The following NAV3 variants were observed in gnomAD, a reference collection of about 807,000 sequenced individuals.
The protein encoded by NAV3 is pore membrane and/or filament interacting like protein 1.
In NAV3, 87 loss-of-function variants were observed where a neutral mutation model predicts 244.7. The observed-to-expected ratio is 0.36, with a 90% CI of 0.30 to 0.42. NAV3 has a LOEUF of 0.42. NAV3 is among the 20% of genes least tolerant of loss of function. The probability of loss-of-function intolerance (pLI) is 1.00; values close to 1 mark genes in which losing one functional copy is unlikely to be tolerated. For synonymous variants in NAV3, 1,126 were observed against 1,042.2 expected (o/e 1.08, Z -1.55); for missense variants, 2,663 against 2,893.3 (o/e 0.92, Z 1.83).
chr12:77,609,067 A>T (rs1354771176), intron 2 of NAV3, among the ~76,000 whole-genome samples: 1 of 152,062 alleles, frequency 6.6e-6, no homozygotes, highest in African/African-American at 2.4e-5. Context: ...ACTGGCATAT[A>T]AATATTTTGG....
intron 5 of NAV3, among the ~76,000 whole-genome samples, chr12:77,974,048 G>A (rs1209997396): frequency 6.6e-6 from 1 of 151,872 alleles, no homozygotes; most frequent in Non-Finnish European, 1.5e-5. Context: ...AAGTTTGTGT[G>A]TGCACGTGCA....
At chr12:77,863,175 A>G (rs1346973546) in intron 1 of NAV3, among the ~76,000 whole-genome samples, 1 of 151,872 alleles carries the variant, frequency 6.6e-6, no homozygotes, top group Non-Finnish European at 1.5e-5. Context: ...CAACTGTCCA[A>G]ATATTACAGA....
chr12:78,060,483 T>G (rs1399248421), intron 12 of NAV3, among the ~76,000 whole-genome samples: 4 of 152,112 alleles, frequency 2.6e-5, no homozygotes, highest in Admixed American at 6.6e-5. Flanking sequence ...TGTATGTGTG[T>G]GTGTGAAGCA....
At chr12:77,606,676 A>T (rs1870684597) in intron 2 of NAV3, among the ~76,000 whole-genome samples, 2 of 152,138 alleles carry the variant, frequency 1.3e-5, no homozygotes, top group Admixed American at 6.6e-5. Flanking sequence ...CAATAAAAGA[A>T]TTTGATGCAA....
intron 2 of NAV3, among the ~76,000 whole-genome samples, chr12:77,788,292 T>C (rs141595698): frequency 1.3e-5 from 2 of 152,334 alleles, no homozygotes; most frequent in South Asian, 2.1e-4. Flanking sequence ...AAATTAGAGA[T>C]CCTGAATGCA....
At chr12:77,969,640 T>C (rs985746111) in intron 5 of NAV3, among the ~76,000 whole-genome samples, 1 of 151,566 alleles carries the variant, frequency 6.6e-6, no homozygotes. Flanking sequence ...AGGTCAGGAG[T>C]TCAAGACCAG....
At chr12:78,045,562 G>A (rs182382638) in intron 9 of NAV3, among the ~76,000 whole-genome samples, 1 of 152,228 alleles carries the variant, frequency 6.6e-6, no homozygotes, top group African/African-American at 2.4e-5. Flanking sequence ...CAAAGTGCTG[G>A]GATTACAGGC....
intron 2 of NAV3, among the ~76,000 whole-genome samples, chr12:77,751,175 C>T (rs866693358): frequency 9.9e-5 from 15 of 152,234 alleles, no homozygotes; most frequent in Admixed American, 4.6e-4. Context: ...GGTAAACATA[C>T]GCTGGATAAT....
At chr12:78,149,696 C>T (rs1284406529) in intron 22 of NAV3, among the ~76,000 whole-genome samples, 1 of 152,066 alleles carries the variant, frequency 6.6e-6, no homozygotes, top group African/African-American at 2.4e-5. Context: ...GTCCTTTGCT[C>T]AGTTCTGCTG....
At chr12:78,192,223 C>G (rs1959014028) in intron 34 of NAV3, among the ~76,000 whole-genome samples, 1 of 151,858 alleles carries the variant, frequency 6.6e-6, no homozygotes, top group South Asian at 2.1e-4. Context: ...TTCCGACACT[C>G]TTATTTTTTG....
chr12:77,648,320 C>A (rs79763705), intron 2 of NAV3, among the ~76,000 whole-genome samples: 1 of 152,066 alleles, frequency 6.6e-6, no homozygotes, highest in African/African-American at 2.4e-5. Context: ...TACACACACA[C>A]AGAGACACCC....
chr12:77,970,759 G>A (rs1338240405), intron 5 of NAV3, among the ~76,000 whole-genome samples: 1 of 152,006 alleles, frequency 6.6e-6, no homozygotes, highest in Admixed American at 6.6e-5. Context: ...GGATGACATC[G>A]TGTTTTATGT....
intron 1 of NAV3, among the ~76,000 whole-genome samples, chr12:77,867,098 C>A (rs767251678): frequency 2.0e-5 from 3 of 152,148 alleles, no homozygotes; most frequent in Non-Finnish European, 4.4e-5. Flanking sequence ...TGTGTCCTTA[C>A]CCAAATCTCA....
intron 1 of NAV3, among the ~76,000 whole-genome samples, chr12:77,933,168 G>T (rs912928193): frequency 2.6e-5 from 4 of 152,034 alleles, no homozygotes; most frequent in African/African-American, 7.2e-5. Flanking sequence ...TTACTAACAC[G>T]TTAAATTACT....
intron 5 of NAV3, among the ~76,000 whole-genome samples, chr12:77,981,360 G>T (rs193028806): frequency 1.3e-5 from 2 of 152,096 alleles, no homozygotes; most frequent in African/African-American, 4.8e-5. Flanking sequence ...AGTTCACAAG[G>T]ATCCTGCAGA....
chr12:78,121,755 A>T (rs531014001), intron 15 of NAV3, among the ~76,000 whole-genome samples, 185 bp from the exon 16 acceptor site: 1 of 152,166 alleles, frequency 6.6e-6, no homozygotes, highest in East Asian at 1.9e-4. Flanking sequence ...CTACCCTTAT[A>T]TGAGAGATTT....
In NAV3 at chr12:77,692,552, A is replaced by T. The variant is rs577061831; in HGVS notation, c.72+120286A>T. 1.0e-3 allele frequency among the ~76,000 whole-genome samples: 157 copies of T among 152,218 alleles called. 3 individuals carry two copies. The South Asian group carries it at 0.031, about 30-fold the overall frequency. ...TACAGTAAACCTCGCTCTATGCACT[A>T]ATCATGATGAATATAAAATCTCCTT... On this transcript the variant is annotated intron_variant, in intron 2 of 8. Coordinates refer to the NAV3 transcript ENST00000550042.
At chr12:78,112,943 C>A (rs186424278) in intron 12 of NAV3, among the ~76,000 whole-genome samples, 16 of 152,304 alleles carry the variant, frequency 1.1e-4, no homozygotes, top group Admixed American at 9.8e-4. Context: ...GGGTCACAGT[C>A]ATTGGGTAAA....
intron 2 of NAV3, among the ~76,000 whole-genome samples, chr12:77,645,268 GA>G (rs1029918674): frequency 2.2e-5 from 3 of 135,754 alleles, no homozygotes; most frequent in Non-Finnish European, 4.8e-5. Flanking sequence ...TAAATCTTAT[GA>G]TTTTTTTTTT....
Sources: gnomAD v4.1 joint callset for allele counts (sites outside exome capture counted in the v4.1 genomes callset) on GRCh38, gnomAD v4.1.1 for gene constraint, MANE v1.5 for transcripts, NCBI Gene and HGNC (gene_info 2026-07-23, HGNC 2026-07-21) for gene names.